RBFOX1: variants seen among roughly 807,000 people sequenced by gnomAD.
RBFOX1 encodes the protein RNA binding protein fox-1 homolog 1.
Under a neutral mutation model 57.7 loss-of-function variants are expected in RBFOX1, and 8 were observed. The observed-to-expected ratio is 0.14, with a 90% CI of 0.08 to 0.25. The LOEUF is 0.25. Among genes scored for constraint, RBFOX1 ranks in the 10% least tolerant of loss-of-function variants. The probability of loss-of-function intolerance (pLI) is 1.00; values close to 1 mark genes in which losing one functional copy is unlikely to be tolerated. For synonymous variants in RBFOX1, 326 were observed against 222.4 expected, an observed-to-expected ratio of 1.47 and a Z score of -4.15; for missense variants, 611 against 548.5, an observed-to-expected ratio of 1.11 and a Z score of -1.14.
At chr16:6,901,594 G>A (rs980197024) in intron 3 of RBFOX1, among the ~76,000 whole-genome samples, 1 of 152,204 alleles carries the variant, frequency 6.6e-6, no homozygotes, top group African/African-American at 2.4e-5. Context: ...TGCTGTGAGA[G>A]GCTGAGGGGG....
intron 3 of RBFOX1, among the ~76,000 whole-genome samples, chr16:6,867,740 T>A (rs751528793): frequency 6.6e-6 from 1 of 152,056 alleles, no homozygotes; most frequent in Non-Finnish European, 1.5e-5. Context: ...CAACAGATAT[T>A]TATCAGTTAA....
At chr16:7,462,246 C>T (rs2059712359) in intron 4 of RBFOX1, among the ~76,000 whole-genome samples, 1 of 152,178 alleles carries the variant, frequency 6.6e-6, no homozygotes, top group South Asian at 2.1e-4. Context: ...TGTAACAAAT[C>T]ACCACAAATT....
intron 1 of RBFOX1, among the ~76,000 whole-genome samples, chr16:5,457,322 A>C (rs140858733): frequency 1.3e-5 from 2 of 152,142 alleles, no homozygotes; most frequent in South Asian, 4.1e-4. Context: ...TTTAGTAGAG[A>C]TGGGGTTTCA....
intron 3 of RBFOX1, among the ~76,000 whole-genome samples, chr16:6,895,476 A>G (rs1337147703): frequency 1.0e-5 from 1 of 98,280 alleles, no homozygotes; most frequent in Non-Finnish European, 2.1e-5. Context: ...ATATATATAT[A>G]TATATATATA....
chr16:7,222,972 C>G (rs1224995985), intron 4 of RBFOX1, among the ~76,000 whole-genome samples: 1 of 152,186 alleles, frequency 6.6e-6, no homozygotes, highest in Non-Finnish European at 1.5e-5. Context: ...TGTTGTGCAG[C>G]ATAAACATCT....
chr16:7,460,158 A>G (rs1047083741), intron 4 of RBFOX1, among the ~76,000 whole-genome samples: 1 of 151,732 alleles, frequency 6.6e-6, no homozygotes, highest in South Asian at 2.1e-4. Context: ...GTATTTGCTT[A>G]TCCTCTTAGG....
At chr16:6,190,636 A>G (rs2097135672) in intron 1 of RBFOX1, among the ~76,000 whole-genome samples, 1 of 152,068 alleles carries the variant, frequency 6.6e-6, no homozygotes, top group African/African-American at 2.4e-5. Flanking sequence ...TTTGCCTAAC[A>G]TTTTGCTTTT....
intron 3 of RBFOX1, among the ~76,000 whole-genome samples, chr16:6,830,341 G>A (rs1326906125): frequency 6.6e-6 from 1 of 152,116 alleles, no homozygotes; most frequent in African/African-American, 2.4e-5. Context: ...TCCTAACATT[G>A]TTTCATAAGA....
upstream of RBFOX1, among the ~76,000 whole-genome samples, chr16:6,017,246 C>G (rs951699364): frequency 3.3e-5 from 5 of 152,202 alleles, no homozygotes; most frequent in Admixed American, 2.6e-4. Context: ...AATAGACAAA[C>G]AATTCCTGTT....
intron 2 of RBFOX1, among the ~76,000 whole-genome samples, chr16:6,589,920 C>A (rs1211694335): frequency 6.6e-6 from 1 of 152,116 alleles, no homozygotes; most frequent in East Asian, 1.9e-4. Context: ...GTTTCAACTC[C>A]ACCTGTAGCT....
chr16:6,149,271 C>T (rs997328198), intron 1 of RBFOX1, among the ~76,000 whole-genome samples: 8 of 152,170 alleles, frequency 5.3e-5, no homozygotes, highest in African/African-American at 9.6e-5. Flanking sequence ...AGTAAATAGA[C>T]GAGGTGTACT....
At chr16:7,484,597 C>A (rs112063314) in intron 4 of RBFOX1, among the ~76,000 whole-genome samples, 1 of 152,054 alleles carries the variant, frequency 6.6e-6, no homozygotes, top group Admixed American at 6.6e-5. Context: ...TGAGTAGCTG[C>A]GACTACAGGC....
intron 2 of RBFOX1, among the ~76,000 whole-genome samples, chr16:6,649,338 C>T (rs1300108362): frequency 1.3e-5 from 2 of 152,110 alleles, no homozygotes; most frequent in African/African-American, 4.8e-5. Flanking sequence ...TTATGTGGTT[C>T]TTCCTTGATG....
chr16:6,987,345 A>G (rs1438941217), intron 3 of RBFOX1, among the ~76,000 whole-genome samples: 1 of 152,044 alleles, frequency 6.6e-6, no homozygotes, highest in East Asian at 1.9e-4. Flanking sequence ...AGAACAAGAG[A>G]GAATGAGTAG....
At chr16:6,301,829 TTA>T (rs2078854629) in intron 1 of RBFOX1, among the ~76,000 whole-genome samples, 1 of 152,174 alleles carries the variant, frequency 6.6e-6, no homozygotes, top group Non-Finnish European at 1.5e-5. Context: ...TTTATCAGAA[TTA>T]TATGCAAGCA....
intron 4 of RBFOX1, among the ~76,000 whole-genome samples, chr16:5,867,922 A>C (rs1369591719): frequency 6.6e-6 from 1 of 151,976 alleles, no homozygotes; most frequent in Non-Finnish European, 1.5e-5. Context: ...ATGTTGACCA[A>C]GCTGGTCTCA....
chr16:7,183,812 T>G (rs889602037), intron 4 of RBFOX1, among the ~76,000 whole-genome samples: 2 of 152,252 alleles, frequency 1.3e-5, no homozygotes, highest in Non-Finnish European at 2.9e-5. Context: ...AGCTATTTAA[T>G]GCCTCCTATT....
chr16:6,999,772 C>A (rs370172851), intron 3 of RBFOX1, among the ~76,000 whole-genome samples: 4 of 151,846 alleles, frequency 2.6e-5, no homozygotes, highest in South Asian at 4.2e-4. Flanking sequence ...TGTTATTATG[C>A]CTTTAAAATT....
intron 4 of RBFOX1, among the ~76,000 whole-genome samples, chr16:7,070,816 T>G (rs2057178096): frequency 6.6e-6 from 1 of 152,168 alleles, no homozygotes; most frequent in Admixed American, 6.6e-5. Context: ...GTGGTGCGGA[T>G]TGGGAAACTG....
Sources: allele counts gnomAD v4.1 joint callset (sites outside exome capture counted in the v4.1 genomes callset), GRCh38; gene constraint gnomAD v4.1.1; transcripts MANE v1.5; gene names NCBI Gene and HGNC (gene_info 2026-07-23, HGNC 2026-07-21).